CDH13: variants seen among roughly 807,000 people sequenced by gnomAD.
The protein encoded by CDH13 is cadherin-13.
A neutral mutation model predicts 63.8 loss-of-function variants in CDH13; 24 were observed. The ratio of observed to expected loss-of-function variants is 0.38; its 90% CI spans 0.27 to 0.53. CDH13 has a LOEUF of 0.53. Among genes scored for constraint, CDH13 ranks in the 20% least tolerant of loss-of-function variants. The pLI is 0.85. For missense variants in CDH13, 1,049 were observed against 903.1 expected, an observed-to-expected ratio of 1.16 and a Z score of -2.07; for synonymous variants, 503 against 355.3, an observed-to-expected ratio of 1.42 and a Z score of -4.67.
chr16:83,283,218 G>C (rs563843265), intron 5 of CDH13, among the ~76,000 whole-genome samples: 3 of 152,236 alleles, frequency 2.0e-5, no homozygotes, highest in African/African-American at 7.2e-5. Context: ...TGGAGTTACT[G>C]GATGATACCA....
chr16:83,027,197 A>G (rs1052997880), intron 2 of CDH13, among the ~76,000 whole-genome samples: 2 of 143,872 alleles, frequency 1.4e-5, no homozygotes, highest in African/African-American at 2.6e-5. Flanking sequence ...ATTATTACTG[A>G]TGGCCTCCCA....
Position 82,827,086 on chromosome 16 carries a change from C to G in CDH13, c.46-31276C>G, listed in dbSNP as rs148658838. 3.7e-4 allele frequency among the ~76,000 whole-genome samples: 56 copies of G among 152,302 alleles called. 2 individuals carry two copies. Among genetic ancestry groups the G allele is most frequent in the African/African-American group, 1.1e-3 (47 of 41,560 alleles). On this transcript the variant is annotated intron_variant, in intron 1 of 13. Transcript: ENST00000567109. ...ATCAGTGGACACATTTGGCCCATAT[C>G]TTAATTCAGGCAACACAGCCTTAGC...
chr16:83,016,478 G>T (rs560888512), intron 2 of CDH13, among the ~76,000 whole-genome samples: 3 of 152,310 alleles, frequency 2.0e-5, no homozygotes, highest in Admixed American at 1.3e-4. Flanking sequence ...GGAAGCTCTT[G>T]CCCTCAAGGA....
intron 1 of CDH13, among the ~76,000 whole-genome samples, chr16:82,650,050 G>T (rs968670171): frequency 6.6e-6 from 1 of 152,130 alleles, no homozygotes; most frequent in Admixed American, 6.5e-5. Context: ...AGAAACTGAG[G>T]CTCAGTCACT....
In CDH13 at chr16:83,321,525, A is replaced by ATTTTT. The variant is rs10672316; in HGVS notation, c.637-23320_637-23316dup. Among the ~76,000 whole-genome samples the ATTTTT allele has an allele frequency of 3.2e-3, 328 of 103,628 alleles. 9 individuals carry two copies. The highest frequency in any genetic ancestry group is 0.016 in the Middle Eastern group (2 of 124). The allele number at this position is 103,628 out of a possible 152,430, so 68.0% of individuals were successfully genotyped here. Reference sequence around the variant, plus strand: ...TTTCTGGAAAATATGGAAATCTGGAATTTTTTTTTTTTTTTTTTTTTGAGA... The same window carrying ATTTTT: ...TTTCTGGAAAATATGGAAATCTGGAATTTTTTTTTTTTTTTTTTTTTTTTTTGAGA... On this transcript the variant is annotated intron_variant, in intron 5 of 13. Transcript: ENST00000567109.
intron 6 of CDH13, among the ~76,000 whole-genome samples, chr16:83,445,096 G>A (rs972343019): frequency 1.1e-4 from 16 of 151,918 alleles, no homozygotes; most frequent in Non-Finnish European, 2.4e-4. Context: ...ATTTTTCATG[G>A]CAGTGGAGTC....
At chr16:83,469,418 G>A (rs919087641) in intron 6 of CDH13, among the ~76,000 whole-genome samples, 4 of 152,096 alleles carry the variant, frequency 2.6e-5, no homozygotes, top group African/African-American at 7.2e-5. Context: ...GTCGGGGGTC[G>A]AGCAGGCCTT....
intron 5 of CDH13, among the ~76,000 whole-genome samples, chr16:83,231,105 T>C (rs1169861990): frequency 6.6e-6 from 1 of 152,168 alleles, no homozygotes; most frequent in Non-Finnish European, 1.5e-5. Context: ...GGAAGACACA[T>C]GGAAATGAAT....
intron 4 of CDH13, among the ~76,000 whole-genome samples, chr16:83,207,539 A>G (rs1420292086): frequency 2.6e-5 from 4 of 152,204 alleles, no homozygotes; most frequent in Non-Finnish European, 4.4e-5. Flanking sequence ...GTTGATGGAC[A>G]CCTGAGTTGT....
intron 1 of CDH13, among the ~76,000 whole-genome samples, chr16:82,774,202 C>T (rs1333933072): frequency 6.6e-6 from 1 of 152,110 alleles, no homozygotes; most frequent in East Asian, 1.9e-4. Flanking sequence ...AATATAGGCT[C>T]TTTTCCCTTG....
intron 1 of CDH13, among the ~76,000 whole-genome samples, chr16:82,751,809 C>T (rs1302114282): frequency 2.0e-5 from 3 of 152,036 alleles, no homozygotes; most frequent in East Asian, 1.9e-4. Flanking sequence ...TTACATACAG[C>T]CTTTAGTTTA....
intron 5 of CDH13, among the ~76,000 whole-genome samples, chr16:83,293,556 C>G (rs989152645): frequency 1.1e-4 from 16 of 152,164 alleles, no homozygotes; most frequent in Admixed American, 8.5e-4. Context: ...GATTTGGTGT[C>G]TATATTCAGA....
At chr16:82,940,683 C>T (rs1904277389) in intron 2 of CDH13, among the ~76,000 whole-genome samples, 1 of 152,146 alleles carries the variant, frequency 6.6e-6, no homozygotes, top group African/African-American at 2.4e-5. Context: ...TTCTTTTGCT[C>T]ACACATACTG....
At chr16:82,669,791 C>A (rs981551895) in intron 1 of CDH13, among the ~76,000 whole-genome samples, 5 of 152,134 alleles carry the variant, frequency 3.3e-5, no homozygotes, top group African/African-American at 1.2e-4. Flanking sequence ...TGAGATATAC[C>A]CCAGCCGGGT....
intron 3 of CDH13, among the ~76,000 whole-genome samples, chr16:83,123,375 G>T (rs977137121): frequency 1.3e-5 from 2 of 152,004 alleles, no homozygotes; most frequent in Non-Finnish European, 2.9e-5. Context: ...TGACTCTTGG[G>T]TTCAAGTGAT....
At chr16:83,523,558 G>T (rs1047380461) in intron 7 of CDH13, among the ~76,000 whole-genome samples, 1 of 152,268 alleles carries the variant, frequency 6.6e-6, no homozygotes, top group East Asian at 1.9e-4. Flanking sequence ...TCTCTGCCAC[G>T]TGTGTGTACT....
At chr16:82,813,043 C>T (rs992596385) in intron 1 of CDH13, among the ~76,000 whole-genome samples, 1 of 152,080 alleles carries the variant, frequency 6.6e-6, no homozygotes, top group Non-Finnish European at 1.5e-5. Context: ...AATGATGTAA[C>T]ACTTTTAAAG....
At chr16:83,678,740 G>C (rs917123737) in intron 10 of CDH13, among the ~76,000 whole-genome samples, 6 of 152,140 alleles carry the variant, frequency 3.9e-5, no homozygotes, top group Non-Finnish European at 8.8e-5. Context: ...CTGGCCCTGA[G>C]CACAGTCCTT....
intron 13 of CDH13, among the ~76,000 whole-genome samples, chr16:83,786,970 T>C (rs1915926220): frequency 6.6e-6 from 1 of 152,254 alleles, no homozygotes; most frequent in East Asian, 1.9e-4. Context: ...TTTTATTTTC[T>C]GTTCTCTCTC....
Sources: allele counts gnomAD v4.1 joint callset (sites outside exome capture counted in the v4.1 genomes callset), GRCh38; gene constraint gnomAD v4.1.1; transcripts MANE v1.5; gene names NCBI Gene and HGNC (gene_info 2026-07-23, HGNC 2026-07-21).